The following WDR64 variants were observed in gnomAD, a reference collection of about 807,000 sequenced individuals.
WDR64 encodes WD repeat domain 64.
In WDR64, 112 loss-of-function variants were observed where a neutral mutation model predicts 139.3. That is an observed-to-expected ratio of 0.80 (90% CI 0.69 to 0.94). The LOEUF (loss-of-function observed/expected upper bound fraction) is 0.94, where lower values mean the gene tolerates loss of function less well. Ranked by LOEUF, WDR64 falls within the 40% of genes least tolerant of loss-of-function variation. WDR64 has a pLI of 0.00. For missense variants in WDR64, 1,206 were observed against 1,293.1 expected (o/e 0.93, Z 1.03); for synonymous variants, 444 against 437.7 (o/e 1.01, Z -0.18).
At position 241,771,659 on chromosome 1, in the gene WDR64, A is replaced by G. The variant is rs973887969; in HGVS notation, c.2254-2A>G. 44 of 1,500,984 alleles carry G rather than the reference A, an allele frequency of 2.9e-5. No homozygotes were observed. Among genetic ancestry groups the G allele is most frequent in the Non-Finnish European group, 3.7e-5 (42 of 1,122,060 alleles). The allele number at this position is 1,500,984 out of a possible 1,614,324, so 93.0% of individuals were successfully genotyped here. A position where few individuals can be genotyped will look rare whatever the true frequency, so the allele number is the denominator to read the frequency against. On this transcript the variant is annotated splice_acceptor_variant, in intron 18 of 27. Transcript: ENST00000437684. LOFTEE classifies it high-confidence loss of function. The stretch of plus-strand genomic sequence containing the variant: ...CTTTTCTCTTTTCCTCCCATAATTC[A>G]GGGAAGCAAGCAAAGCATACATGAC...
rs1574102837 is a variant in WDR64 at position 241,795,886 on chromosome 1, A to G, written c.3079-371A>G. On this transcript the variant is annotated intron_variant, in intron 26 of 27. Coordinates refer to ENST00000437684, the MANE Select transcript of WDR64 (RefSeq NM_001367482.1). ...GTTATCTTTCCTAAGAACATGTTGT[A>G]ACAGGTATCAAATACTTAAGCTAAC... Among the ~76,000 whole-genome samples the G allele has an allele frequency of 2.6e-5, 4 of 152,298 alleles. 1 individual carries two copies. In the South Asian group the frequency reaches 8.3e-4, roughly 32 times the overall value.
At chr1:241,781,477 G>A (rs1041422769) in intron 22 of WDR64, among the ~76,000 whole-genome samples, 2 of 152,058 alleles carry the variant, frequency 1.3e-5, no homozygotes, top group African/African-American at 2.4e-5. Context: ...AACCAGGTCC[G>A]GCTATAGATT....
At chr1:241,699,584 T>A (rs1347565619) in intron 8 of WDR64, among the ~76,000 whole-genome samples, 3 of 151,068 alleles carry the variant, frequency 2.0e-5, no homozygotes, top group Non-Finnish European at 4.4e-5. Flanking sequence ...ATTGTAGGGG[T>A]GGGTGGGGGG....
chr1:241,688,802 G>C (rs1298378853), intron 8 of WDR64, among the ~76,000 whole-genome samples: 1 of 152,100 alleles, frequency 6.6e-6, no homozygotes, highest in African/African-American at 2.4e-5. Flanking sequence ...AAAAATTCCA[G>C]GGGTGCCCAG....
chr1:241,694,488 A>G (rs950652984), intron 8 of WDR64, among the ~76,000 whole-genome samples: 13 of 152,208 alleles, frequency 8.5e-5, no homozygotes, highest in Non-Finnish European at 1.6e-4. Context: ...TTTCTGTAAT[A>G]TAATTAACTG....
At chr1:241,707,806 CT>C (rs142610972) in intron 8 of WDR64, among the ~76,000 whole-genome samples, 3,376 of 152,272 alleles carry the variant, frequency 0.022, 124 homozygotes, top group African/African-American at 0.077. Flanking sequence ...ATGGAAGAAA[CT>C]ATTTAGGTCA....
In WDR64 at chr1:241,749,571, G is replaced by A; in HGVS notation, c.1619G>A (p.Gly540Asp). The A allele has an allele frequency of 1.2e-6, 2 of 1,614,094 alleles. No individual in the cohort carries two copies. The highest frequency in any genetic ancestry group is 1.7e-6 in the Non-Finnish European group (2 of 1,179,984). ...YNGTVRIWDF[G>D]SGQEMKVLPE... ...GGAACAGTCAGAATCTGGGACTTTG[G>A]CAGTGGGCAGGAGATGAAGGTGTTG... Residue 540 changes from glycine (G) to aspartate (D), a missense_variant, in exon 14 of 28, where the codon GGC becomes GAC. Transcript: ENST00000437684.
intron 24 of WDR64, among the ~76,000 whole-genome samples, chr1:241,789,776 A>C (rs1050945445): frequency 1.2e-4 from 18 of 152,126 alleles, no homozygotes; most frequent in African/African-American, 4.3e-4. Context: ...AAAAATAATT[A>C]ATGGGTACTA....
chr1:241,796,157 G>T, intron 26 of WDR64, 100 bp from the exon 27 acceptor site: 1 of 590,728 alleles, frequency 1.7e-6, no homozygotes, highest in Non-Finnish European at 2.9e-6. Context: ...TGTGTATTTT[G>T]AAGCAGCTGG....
intron 1 of WDR64, among the ~76,000 whole-genome samples, chr1:241,655,853 C>A (rs1278601769): frequency 3.3e-5 from 5 of 152,040 alleles, no homozygotes; most frequent in African/African-American, 1.2e-4. Context: ...GGGGAATTTA[C>A]CTGCTTCATT....
At chr1:241,757,179 A>G in intron 14 of WDR64, 104 bp from the exon 15 acceptor site, 1 of 1,033,554 alleles carries the variant, frequency 9.7e-7, no homozygotes, top group Admixed American at 3.1e-5. Flanking sequence ...TGGTAAAGCT[A>G]GATGGTAGAT....
rs1553359564 is a variant in WDR64, at chr1:241,655,706, T to TC, written c.145+3077_145+3078insC. Among the ~76,000 whole-genome samples the TC allele has an allele frequency of 1.8e-3, 257 of 145,672 alleles. 1 individual carries two copies. The highest frequency in any genetic ancestry group is 6.0e-3 in the African/African-American group (232 of 38,482). ...ATATGGAGTGCCTTTTTTTCTTTTC[T>TC]TTTTTTTTTTTTGATGCCTGTAAAC... On this transcript the variant is annotated intron_variant, in intron 1 of 27. Transcript: ENST00000437684.
At chr1:241,756,402 C>T (rs537708102) in intron 14 of WDR64, among the ~76,000 whole-genome samples, 6 of 152,104 alleles carry the variant, frequency 3.9e-5, no homozygotes, top group Admixed American at 1.3e-4. Flanking sequence ...GATTTTTGCA[C>T]ATTTATTTTG....
chr1:241,770,447 T>C, intron 17 of WDR64, 174 bp from the exon 18 acceptor site: 1 of 529,958 alleles, frequency 1.9e-6, no homozygotes, highest in Non-Finnish European at 3.4e-6. Flanking sequence ...ACCAATATCA[T>C]ACTGGTCAAC....
At chr1:241,672,061 G>A (rs56270715) in intron 3 of WDR64, among the ~76,000 whole-genome samples, 3,541 of 152,114 alleles carry the variant, frequency 0.023, 69 homozygotes, top group Middle Eastern at 0.054. Context: ...TGTAGTCCCA[G>A]CTACTCGGGA....
At chr1:241,741,491 T>G (rs774653485) in intron 11 of WDR64, 25 bp from the exon 12 acceptor site, 2 of 1,573,082 alleles carry the variant, frequency 1.3e-6, no homozygotes, top group Non-Finnish European at 1.7e-6. Context: ...ATTGCATATT[T>G]ATGAGATTCT....
At chr1:241,770,574 A>G (rs11809239) in intron 17 of WDR64, 47 bp from the exon 18 acceptor site, 912,727 of 1,495,298 alleles carry the variant, frequency 0.61, 284,750 homozygotes, top group Non-Finnish European at 0.64. Flanking sequence ...TGAGTATGGT[A>G]GCATATCTTA....
chr1:241,726,587 G>C (rs1668849951), intron 10 of WDR64, among the ~76,000 whole-genome samples: 1 of 149,200 alleles, frequency 6.7e-6, no homozygotes, highest in South Asian at 2.1e-4. Context: ...AAAAGGCTTT[G>C]ATTAAGTAAA....
intron 4 of WDR64, among the ~76,000 whole-genome samples, chr1:241,675,179 CTTCTTTCCTTCCTCCCAACT>C: frequency 1.7e-5 from 1 of 58,432 alleles, no homozygotes; most frequent in Admixed American, 1.6e-4. Context: ...ACCCTCCTTC[CTTCTTTCCTTCCTCCCAACT>C]TCCCTCCCTT....
Sources: allele counts gnomAD v4.1 joint callset (sites outside exome capture counted in the v4.1 genomes callset), GRCh38; gene constraint gnomAD v4.1.1; transcripts MANE v1.5; gene names NCBI Gene and HGNC (gene_info 2026-07-23, HGNC 2026-07-21).